KCNH1: variants seen among roughly 807,000 people sequenced by gnomAD.
KCNH1 encodes voltage-gated delayed rectifier potassium channel KCNH1.
Under a neutral mutation model 69.2 loss-of-function variants are expected in KCNH1, and 27 were observed. That is an observed-to-expected ratio of 0.39 (90% CI 0.29 to 0.54). The LOEUF is 0.54. Among genes scored for constraint, KCNH1 ranks in the 20% least tolerant of loss-of-function variants. KCNH1 has a pLI of 0.68. For missense variants in KCNH1, 798 were observed against 1,261.6 expected (o/e 0.63, Z 5.57); for synonymous variants, 456 against 487.7 (o/e 0.93, Z 0.86).
At chr1:210,936,507 C>G (rs1397399219) in intron 6 of KCNH1, among the ~76,000 whole-genome samples, 2 of 152,192 alleles carry the variant, frequency 1.3e-5, no homozygotes, top group African/African-American at 4.8e-5. Context: ...CCAAAATTCT[C>G]CTCTCCCTTA....
intron 6 of KCNH1, among the ~76,000 whole-genome samples, chr1:210,996,335 T>C (rs541711035): frequency 1.3e-5 from 2 of 152,322 alleles, no homozygotes; most frequent in East Asian, 3.9e-4. Context: ...CAGGAGATTA[T>C]ATCCGGCACC....
intron 10 of KCNH1, among the ~76,000 whole-genome samples, chr1:210,717,681 C>T (rs1682294090): frequency 6.6e-6 from 1 of 152,210 alleles, no homozygotes; most frequent in Non-Finnish European, 1.5e-5. Flanking sequence ...CAGACCGGAT[C>T]TGAGGCAGTG....
chr1:210,761,986 C>T lies in KCNH1; in HGVS notation c.2112+13362G>A, dbSNP rs4951577. Among the ~76,000 whole-genome samples the T allele has an allele frequency of 9.9e-3, 1,503 of 152,216 alleles. 24 individuals are homozygous for T. The highest frequency in any genetic ancestry group is 0.032 in the African/African-American group (1,336 of 41,538). ...ATGGAACGTACTCTAAGACTGACCACGTGCTTGGTCATACAGCAAGTCTCA... is the reference window on the plus strand; with the variant it reads ...ATGGAACGTACTCTAAGACTGACCATGTGCTTGGTCATACAGCAAGTCTCA... On this transcript the variant is annotated intron_variant, in intron 10 of 10. Coordinates refer to ENST00000271751, the MANE Select transcript of KCNH1 (RefSeq NM_172362.3).
chr1:210,813,620 A>G (rs1319460977), intron 7 of KCNH1, among the ~76,000 whole-genome samples: 1 of 152,170 alleles, frequency 6.6e-6, no homozygotes, highest in African/African-American at 2.4e-5. Flanking sequence ...ATATTGATGG[A>G]GTAAGTGTGA....
At chr1:210,882,970 C>A (rs902772303) in intron 7 of KCNH1, among the ~76,000 whole-genome samples, 2 of 152,108 alleles carry the variant, frequency 1.3e-5, no homozygotes, top group African/African-American at 4.8e-5. Flanking sequence ...AAGTATGCAG[C>A]CACAGGAATG....
intron 7 of KCNH1, among the ~76,000 whole-genome samples, chr1:210,806,926 G>T (rs1368889768): frequency 7.0e-6 from 1 of 141,910 alleles, no homozygotes; most frequent in Non-Finnish European, 1.5e-5. Context: ...AGAATCGCTT[G>T]AACCCAGGAG....
chr1:210,698,879 T>C (rs1681707147), intron 10 of KCNH1, among the ~76,000 whole-genome samples: 1 of 152,332 alleles, frequency 6.6e-6, no homozygotes, highest in East Asian at 1.9e-4. Context: ...GCCTGCATCC[T>C]CCTGCAGAGG....
intron 6 of KCNH1, among the ~76,000 whole-genome samples, chr1:210,976,505 G>A (rs1281100261): frequency 6.8e-6 from 1 of 146,722 alleles, no homozygotes; most frequent in Non-Finnish European, 1.5e-5. Context: ...ACTGTTGGTG[G>A]GACTGTAAAC....
chr1:211,034,128 G>A (rs1347532191), intron 5 of KCNH1, among the ~76,000 whole-genome samples: 2 of 152,126 alleles, frequency 1.3e-5, no homozygotes, highest in African/African-American at 2.4e-5. Flanking sequence ...ATAAAAACTT[G>A]TACATGAATG....
intron 7 of KCNH1, among the ~76,000 whole-genome samples, chr1:210,907,073 T>C (rs1687117960): frequency 6.6e-6 from 1 of 152,220 alleles, no homozygotes; most frequent in African/African-American, 2.4e-5. Flanking sequence ...GCAAATTATG[T>C]ATCTGACAGA....
At chr1:211,123,687 G>A (rs1691727554) in intron 1 of KCNH1, among the ~76,000 whole-genome samples, 1 of 152,146 alleles carries the variant, frequency 6.6e-6, no homozygotes, top group African/African-American at 2.4e-5. Context: ...AAGGGACATA[G>A]GGCATGGGGC....
In KCNH1 at chr1:211,016,932, TA is replaced by T. The variant is rs1163636295; in HGVS notation, c.1032+1850del. Among the ~76,000 whole-genome samples the T allele has an allele frequency of 2.5e-3, 359 of 142,232 alleles. 2 individuals are homozygous for T. Among genetic ancestry groups the T allele is most frequent in the African/African-American group, 7.3e-3 (280 of 38,258 alleles). The allele number at this position is 142,232 out of a possible 152,430, so 93.3% of individuals were successfully genotyped here. On this transcript the variant is annotated intron_variant, in intron 6 of 10. Transcript: ENST00000271751. ...TCAAAAAAAAAAAAAATTTTAAAAT[TA>T]AAAAAAAAAATTCTCATTTAAGAAC... is the stretch of plus-strand genomic sequence containing the variant.
intron 5 of KCNH1, among the ~76,000 whole-genome samples, chr1:211,024,276 T>G (rs572273285): frequency 6.6e-5 from 10 of 152,220 alleles, no homozygotes; most frequent in Admixed American, 2.6e-4. Context: ...AAATATGACT[T>G]GAGTAAGAGA....
At chr1:210,746,842 C>T (rs1213530710) in intron 10 of KCNH1, among the ~76,000 whole-genome samples, 1 of 152,092 alleles carries the variant, frequency 6.6e-6, no homozygotes, top group Non-Finnish European at 1.5e-5. Flanking sequence ...CCACCATGCC[C>T]GGCTATTACA....
intron 10 of KCNH1, among the ~76,000 whole-genome samples, chr1:210,724,855 CT>C (rs1371173881): frequency 6.6e-6 from 1 of 152,142 alleles, no homozygotes; most frequent in Non-Finnish European, 1.5e-5. Flanking sequence ...GTTAATAGTC[CT>C]CATTTTCTAG....
intron 7 of KCNH1, among the ~76,000 whole-genome samples, chr1:210,812,519 T>C (rs1343143): frequency 0.2 from 30,972 of 152,182 alleles, 3,175 homozygotes; most frequent in Non-Finnish European, 0.22. Flanking sequence ...ATGTCTTTTT[T>C]GCCAAAAAAG....
Position 211,072,940 on chromosome 1 carries a change from C to T in KCNH1, c.558+9840G>A, listed in dbSNP as rs1046358000. Among the ~76,000 whole-genome samples, 7 of 151,942 alleles carry T rather than the reference C, an allele frequency of 4.6e-5. 1 individual carries two copies. The highest frequency in any genetic ancestry group is 2.0e-4 in the Admixed American group (3 of 15,254). On this transcript the variant is annotated intron_variant, in intron 5 of 10. Coordinates refer to ENST00000271751, the MANE Select transcript of KCNH1 (RefSeq NM_172362.3). The stretch of plus-strand genomic sequence containing the variant: ...ATACAAAAGACACAGACTGTCAGAC[C>T]GGATGAAAAAACAAGACCCAACTAT...
At chr1:211,049,489 T>C (rs907663405) in intron 5 of KCNH1, among the ~76,000 whole-genome samples, 1 of 152,152 alleles carries the variant, frequency 6.6e-6, no homozygotes, top group Non-Finnish European at 1.5e-5. Flanking sequence ...TTTTGGTTTG[T>C]TGTTGTTGTC....
intron 1 of KCNH1, among the ~76,000 whole-genome samples, chr1:211,131,922 AG>A (rs1208781140): frequency 6.6e-6 from 1 of 152,208 alleles, no homozygotes; most frequent in African/African-American, 2.4e-5. Context: ...AAATATTCCC[AG>A]TGACTTATTC....
Sources: gnomAD v4.1 joint callset for allele counts (sites outside exome capture counted in the v4.1 genomes callset) on GRCh38, gnomAD v4.1.1 for gene constraint, MANE v1.5 for transcripts, NCBI Gene and HGNC (gene_info 2026-07-23, HGNC 2026-07-21) for gene names.